The following PDS5B variants were observed in gnomAD, a reference collection of about 807,000 sequenced individuals.
The protein encoded by PDS5B is PDS5 cohesin associated factor B, also known as sister chromatid cohesion protein PDS5 homolog B.
PDS5B carries 51 observed loss-of-function variants against 184.1 expected under a neutral mutation model. The observed-to-expected ratio is 0.28, with a 90% confidence interval of 0.22 to 0.35. The LOEUF is 0.35. Among genes scored for constraint, PDS5B ranks in the 10% least tolerant of loss-of-function variants. PDS5B has a pLI of 1.00. For synonymous variants in PDS5B, 566 were observed against 569.2 expected (o/e 0.99, Z 0.08); for missense variants, 1,180 against 1,723.3 (o/e 0.68, Z 5.58).
rs1344806616 is a variant in PDS5B at position 32,770,371 on chromosome 13, G to A, written c.3875G>A (p.Arg1292Gln). 10 of 1,613,080 alleles carry A rather than the reference G, an allele frequency of 6.2e-6. No homozygotes were observed. Among genetic ancestry groups the A allele is most frequent in the South Asian group, 1.1e-5 (1 of 90,894 alleles). The change falls in exon 32 of 35, where the codon CGA becomes CAA. Residue 1292 changes from arginine (R) to glutamine (Q), a missense_variant. By Grantham distance (43) the Arg-to-Gln change is conservative. Transcript: ENST00000315596. ...CCGCCAAAAAAGGGTAAAAGAGGCC[G>A]ACCACCAAAACCTCTTGGTGGAGGT... ...NSPPKKGKRG[R>Q]PPKPLGGGTP...
intron 1 of PDS5B, among the ~76,000 whole-genome samples, chr13:32,587,183 G>C: frequency 6.7e-6 from 1 of 150,230 alleles, no homozygotes; most frequent in Non-Finnish European, 1.5e-5. Flanking sequence ...CCGCCGCCGG[G>C]TCCCCGCGCG....
chr13:32,637,832 C>T, intron 1 of PDS5B, among the ~76,000 whole-genome samples: 1 of 152,338 alleles, frequency 6.6e-6, no homozygotes, highest in Non-Finnish European at 1.5e-5. Context: ...AAAGTGTTCA[C>T]TTGATTTGGC....
At chr13:32,733,120 A>G (rs9596165) in intron 20 of PDS5B, among the ~76,000 whole-genome samples, 1,913 of 152,290 alleles carry the variant, frequency 0.013, 41 homozygotes, top group African/African-American at 0.043. Flanking sequence ...GCTTCAATAA[A>G]TTGATGTTAA....
chr13:32,755,669 A>G lies in PDS5B; in HGVS notation c.2942-173A>G, dbSNP rs543552172. 4.7e-4 allele frequency among the ~76,000 whole-genome samples: 72 copies of G among 152,212 alleles called. 3 individuals are homozygous for G. The South Asian group carries it at 0.014, about 29-fold the overall frequency. ...TTTATCATGTACCTCAACACAGGGT[A>G]TTTCAATATATTTTTCTTCAAGTCA... On this transcript the variant is annotated intron_variant, in intron 25 of 34. Coordinates refer to ENST00000315596, the MANE Select transcript of PDS5B (RefSeq NM_015032.4).
chr13:32,728,535 C>T (rs1008300243), intron 19 of PDS5B, among the ~76,000 whole-genome samples: 7 of 152,176 alleles, frequency 4.6e-5, no homozygotes, highest in African/African-American at 7.2e-5. Flanking sequence ...GCTGCCTTTC[C>T]CTTTGTAACT....
intron 1 of PDS5B, among the ~76,000 whole-genome samples, chr13:32,588,721 A>G (rs2057729003): frequency 6.6e-6 from 1 of 152,102 alleles, no homozygotes; most frequent in African/African-American, 2.4e-5. Context: ...TTGTTAGGAG[A>G]TGTTTGTATT....
chr13:32,648,962 G>T, intron 2 of PDS5B, 82 bp downstream of exon 2: 1 of 749,784 alleles, frequency 1.3e-6, no homozygotes, highest in East Asian at 2.5e-5. Context: ...AATGTATCTT[G>T]TTGGGGTAAC....
chr13:32,669,856 C>T (rs1001555682), intron 7 of PDS5B, among the ~76,000 whole-genome samples: 2 of 152,140 alleles, frequency 1.3e-5, no homozygotes, highest in African/African-American at 4.8e-5. Context: ...TTTTCCCTCC[C>T]TTTAGTTCCT....
At chr13:32,770,837 T>A in intron 33 of PDS5B, 76 bp downstream of exon 33, 1 of 1,063,180 alleles carries the variant, frequency 9.4e-7, no homozygotes, top group Non-Finnish European at 1.4e-6. Context: ...AACATACATA[T>A]TGCTGTATTT....
chr13:32,694,789 C>T (rs1462839291), intron 14 of PDS5B, among the ~76,000 whole-genome samples: 1 of 150,258 alleles, frequency 6.7e-6, no homozygotes, highest in Non-Finnish European at 1.5e-5. Context: ...TGATGGTATT[C>T]ATCCATTGGA....
intron 1 of PDS5B, among the ~76,000 whole-genome samples, chr13:32,643,491 T>C (rs1287683328): frequency 1.3e-5 from 2 of 152,206 alleles, no homozygotes; most frequent in Non-Finnish European, 2.9e-5. Flanking sequence ...TTCTCTCTGC[T>C]CTTTCCTGTT....
At chr13:32,591,468 A>G (rs1389975123) in intron 1 of PDS5B, among the ~76,000 whole-genome samples, 1 of 152,172 alleles carries the variant, frequency 6.6e-6, no homozygotes, top group African/African-American at 2.4e-5. Context: ...TTAAGTCACA[A>G]GCTCTTTTCA....
At chr13:32,602,523 GTGTT>G (rs1486484929) in intron 1 of PDS5B, among the ~76,000 whole-genome samples, 1 of 152,084 alleles carries the variant, frequency 6.6e-6, no homozygotes, top group South Asian at 2.1e-4. Context: ...TTGGTTCTAA[GTGTT>G]TGTATTGTGA....
intron 10 of PDS5B, among the ~76,000 whole-genome samples, chr13:32,680,264 A>G (rs1951202147): frequency 6.6e-6 from 1 of 152,100 alleles, no homozygotes; most frequent in Admixed American, 6.5e-5. Context: ...CTGTCTGCTC[A>G]TGATTAAGAG....
At chr13:32,625,892 CA>C (rs1308268036) in intron 1 of PDS5B, among the ~76,000 whole-genome samples, 4 of 147,050 alleles carry the variant, frequency 2.7e-5, no homozygotes, top group African/African-American at 1.0e-4. Context: ...GGCTGGATTG[CA>C]GTGGGGAAGA....
intron 19 of PDS5B, among the ~76,000 whole-genome samples, chr13:32,721,304 G>A (rs183331064): frequency 0.011 from 1,667 of 150,410 alleles, 35 homozygotes; most frequent in African/African-American, 0.039. Flanking sequence ...GCTGCCGGGC[G>A]GGGGAACCCC....
At chr13:32,759,258 G>A (rs1247099498) in intron 28 of PDS5B, among the ~76,000 whole-genome samples, 3 of 152,118 alleles carry the variant, frequency 2.0e-5, no homozygotes, top group Non-Finnish European at 4.4e-5. Context: ...CCTTACCAGT[G>A]TATAGAGATT....
chr13:32,677,992 A>G (rs1951117621), intron 9 of PDS5B, among the ~76,000 whole-genome samples: 2 of 152,044 alleles, frequency 1.3e-5, no homozygotes, highest in Non-Finnish European at 1.5e-5. Flanking sequence ...AGTGCCATCT[A>G]TGGTATTTTG....
chr13:32,692,009 C>T (rs1951564361), intron 13 of PDS5B, among the ~76,000 whole-genome samples: 1 of 152,032 alleles, frequency 6.6e-6, no homozygotes, highest in Admixed American at 6.6e-5. Flanking sequence ...ACACCTGTTC[C>T]TCTTTATGCA....
Sources: gnomAD v4.1 joint callset for allele counts (sites outside exome capture counted in the v4.1 genomes callset) on GRCh38, gnomAD v4.1.1 for gene constraint, MANE v1.5 for transcripts, NCBI Gene and HGNC (gene_info 2026-07-23, HGNC 2026-07-21) for gene names.